The following RFX3 variants were observed in gnomAD, a reference collection of about 807,000 sequenced individuals.
RFX3 encodes the protein transcription factor RFX3.
RFX3 carries 14 observed loss-of-function variants against 98.6 expected under a neutral mutation model. The observed-to-expected ratio is 0.14, with a 90% confidence interval of 0.09 to 0.22. RFX3 has a LOEUF of 0.22. RFX3 is among the 10% of genes least tolerant of loss of function. RFX3 has a pLI of 1.00. For missense variants in RFX3, 639 were observed against 926.9 expected (o/e 0.69, Z 4.03); for synonymous variants, 383 against 328.4 (o/e 1.17, Z -1.80).
In RFX3 at chr9:3,472,986, G is replaced by A. The variant is rs10972179; in HGVS notation, c.-9+52761C>T. On this transcript the variant is annotated intron_variant, in intron 1 of 16. Coordinates refer to ENST00000617270, the MANE Select transcript of RFX3 (RefSeq NM_001282116.2). ...TTCCTTTTGTGAGATTAGCAATGTG[G>A]TTAAAAATATAGTAATAATTAAAAC... Among the ~76,000 whole-genome samples, 1,174 of 152,236 alleles carry A rather than the reference G, an allele frequency of 7.7e-3. 4 individuals are homozygous for A. Among genetic ancestry groups the A allele is most frequent in the Admixed American group, 0.013 (200 of 15,282 alleles).
At chr9:3,497,370 T>C (rs1851188443) in intron 1 of RFX3, among the ~76,000 whole-genome samples, 1 of 151,940 alleles carries the variant, frequency 6.6e-6, no homozygotes, top group African/African-American at 2.4e-5. Context: ...ATTTAAATAT[T>C]AAATTCACAG....
intron 1 of RFX3, among the ~76,000 whole-genome samples, chr9:3,440,183 T>C (rs1845495080): frequency 6.6e-6 from 1 of 152,094 alleles, no homozygotes; most frequent in African/African-American, 2.4e-5. Flanking sequence ...ATTTCTTCTC[T>C]ATGATCGGGA....
At chr9:3,523,361 T>C (rs1818911653) in intron 1 of RFX3, among the ~76,000 whole-genome samples, 1 of 152,244 alleles carries the variant, frequency 6.6e-6, no homozygotes, top group Admixed American at 6.5e-5. Flanking sequence ...ATCCTTGTGT[T>C]TAATTTTTAA....
At chr9:3,491,766 A>C (rs1850736962) in intron 1 of RFX3, among the ~76,000 whole-genome samples, 1 of 152,212 alleles carries the variant, frequency 6.6e-6, no homozygotes, top group South Asian at 2.1e-4. Context: ...TGATGATACA[A>C]ATTTCTGTCA....
At chr9:3,257,937 A>G (rs1401066574) in intron 13 of RFX3, among the ~76,000 whole-genome samples, 10 of 152,190 alleles carry the variant, frequency 6.6e-5, no homozygotes, top group Non-Finnish European at 1.5e-4. Context: ...AACAGCAATG[A>G]AAATAGGAAC....
chr9:3,226,097 C>A (rs1298734433), intron 16 of RFX3, among the ~76,000 whole-genome samples: 1 of 152,146 alleles, frequency 6.6e-6, no homozygotes, highest in African/African-American at 2.4e-5. Context: ...AGAAAATGCA[C>A]ATATACAGCT....
intron 4 of RFX3, among the ~76,000 whole-genome samples, chr9:3,325,476 T>C (rs1831802688): frequency 6.6e-6 from 1 of 152,094 alleles, no homozygotes; most frequent in South Asian, 2.1e-4. Flanking sequence ...TTCTTGTGCC[T>C]CTTGGCTGGG....
intron 2 of RFX3, among the ~76,000 whole-genome samples, chr9:3,352,573 T>A (rs1177837920): frequency 6.6e-6 from 1 of 152,052 alleles, no homozygotes; most frequent in African/African-American, 2.4e-5. Flanking sequence ...ACCTTACACA[T>A]CATATTAAAA....
At chr9:3,251,459 G>C (rs141751447) in intron 14 of RFX3, among the ~76,000 whole-genome samples, 1 of 151,572 alleles carries the variant, frequency 6.6e-6, no homozygotes, top group Admixed American at 6.6e-5. Context: ...GTGATCTTAC[G>C]CTCCTCACCT....
chr9:3,525,406 C>A (rs562299719), intron 1 of RFX3, among the ~76,000 whole-genome samples: 2 of 152,196 alleles, frequency 1.3e-5, no homozygotes, highest in Non-Finnish European at 2.9e-5. Flanking sequence ...AGGGAAAGAT[C>A]CAGCATCCGC....
intron 4 of RFX3, among the ~76,000 whole-genome samples, chr9:3,302,183 A>G (rs142793965): frequency 6.6e-6 from 1 of 151,994 alleles, no homozygotes; most frequent in African/African-American, 2.4e-5. Context: ...ATGAACAAAT[A>G]TGAAGAAGTA....
chr9:3,254,611 C>A (rs546036345), intron 14 of RFX3, among the ~76,000 whole-genome samples: 1 of 151,784 alleles, frequency 6.6e-6, no homozygotes, highest in East Asian at 1.9e-4. Context: ...GATCTCTGCT[C>A]ACTGCAAGCT....
intron 2 of RFX3, among the ~76,000 whole-genome samples, chr9:3,358,969 G>A (rs973426925): frequency 1.1e-4 from 16 of 151,776 alleles, no homozygotes; most frequent in South Asian, 4.2e-4. Flanking sequence ...ATCTCCACCC[G>A]GTCCCACCCT....
intron 1 of RFX3, among the ~76,000 whole-genome samples, chr9:3,499,465 G>A (rs1041341814): frequency 1.3e-5 from 2 of 151,798 alleles, no homozygotes; most frequent in African/African-American, 4.8e-5. Flanking sequence ...CCTATCATAT[G>A]CACATTCTAT....
intron 7 of RFX3, 134 bp downstream of exon 7, chr9:3,287,997 A>C: frequency 1.2e-6 from 1 of 853,448 alleles, no homozygotes; most frequent in East Asian, 2.5e-5. Flanking sequence ...ATCATATTTA[A>C]GAACTATCTG....
intron 1 of RFX3, among the ~76,000 whole-genome samples, chr9:3,524,071 T>C (rs1448052730): frequency 6.6e-6 from 1 of 152,004 alleles, no homozygotes; most frequent in Non-Finnish European, 1.5e-5. Context: ...AATCAATATA[T>C]GTTTGCTGTT....
chr9:3,241,769 T>A (rs1819956615), intron 15 of RFX3, among the ~76,000 whole-genome samples: 1 of 152,230 alleles, frequency 6.6e-6, no homozygotes. Flanking sequence ...GGGTGTAATT[T>A]GTTCTTTTCC....
At chr9:3,517,329 G>C (rs1244826030) in intron 1 of RFX3, among the ~76,000 whole-genome samples, 1 of 152,120 alleles carries the variant, frequency 6.6e-6, no homozygotes, top group East Asian at 1.9e-4. Flanking sequence ...ACCTCCTTTG[G>C]CTAGCATTTT....
intron 1 of RFX3, among the ~76,000 whole-genome samples, chr9:3,525,256 C>G (rs934824469): frequency 1.3e-5 from 2 of 152,192 alleles, no homozygotes; most frequent in African/African-American, 2.4e-5. Context: ...AAAACACCAC[C>G]TCTTGGGTCC....
Sources: allele counts gnomAD v4.1 joint callset (sites outside exome capture counted in the v4.1 genomes callset), GRCh38; gene constraint gnomAD v4.1.1; transcripts MANE v1.5; gene names NCBI Gene and HGNC (gene_info 2026-07-23, HGNC 2026-07-21).